Variants in EPHB1 observed in about 807,000 individuals in gnomAD.
EPHB1 encodes the protein EPH receptor B1.
In EPHB1, 30 loss-of-function variants were observed where a neutral mutation model predicts 94.4. That is an observed-to-expected ratio of 0.32 (90% confidence interval 0.24 to 0.43). EPHB1 has a LOEUF of 0.43. EPHB1 is among the 20% of genes least tolerant of loss of function. EPHB1 has a pLI of 1.00. For missense variants in EPHB1, 1,055 were observed against 1,308.3 expected (o/e 0.81, Z 2.99); for synonymous variants, 522 against 489.1 (o/e 1.07, Z -0.89).
intron 3 of EPHB1, among the ~76,000 whole-genome samples, chr3:135,092,860 C>A (rs533111414): frequency 5.3e-5 from 8 of 152,316 alleles, no homozygotes; most frequent in African/African-American, 1.9e-4. Context: ...CTCCTGGGCT[C>A]AAGTGATCTT....
At chr3:134,866,544 G>T (rs780856968) in intron 1 of EPHB1, among the ~76,000 whole-genome samples, 13 of 152,158 alleles carry the variant, frequency 8.5e-5, no homozygotes, top group Non-Finnish European at 1.9e-4. Context: ...TGAGTCATTG[G>T]CCACTGCTGG....
At chr3:135,085,826 G>A (rs572939669) in intron 3 of EPHB1, among the ~76,000 whole-genome samples, 3 of 152,276 alleles carry the variant, frequency 2.0e-5, no homozygotes, top group African/African-American at 7.2e-5. Context: ...CTTCCCCCAG[G>A]GAGTGCTGTG....
At chr3:134,813,928 G>A (rs186742983) in intron 1 of EPHB1, among the ~76,000 whole-genome samples, 71 of 152,348 alleles carry the variant, frequency 4.7e-4, no homozygotes, top group African/African-American at 1.6e-3. Flanking sequence ...AAGCAAAGAT[G>A]CAGCTGATGC....
intron 1 of EPHB1, among the ~76,000 whole-genome samples, chr3:134,879,099 C>T (rs2037676036): frequency 6.6e-6 from 1 of 152,166 alleles, no homozygotes; most frequent in African/African-American, 2.4e-5. Context: ...CTAGTGGTGC[C>T]TGACTCCCTT....
intron 3 of EPHB1, among the ~76,000 whole-genome samples, chr3:135,076,782 A>G (rs1937941981): frequency 6.6e-6 from 1 of 152,254 alleles, no homozygotes; most frequent in African/African-American, 2.4e-5. Flanking sequence ...TGAAATACTG[A>G]CACACATTAC....
At chr3:135,163,927 G>A (rs535438602) in intron 7 of EPHB1, among the ~76,000 whole-genome samples, 127 of 152,258 alleles carry the variant, frequency 8.3e-4, no homozygotes, top group Non-Finnish European at 1.4e-3. Flanking sequence ...AGGGTCATTG[G>A]GGCAGGGAGG....
chr3:134,889,827 G>C (rs568058333), intron 1 of EPHB1, among the ~76,000 whole-genome samples: 2 of 150,766 alleles, frequency 1.3e-5, no homozygotes, highest in Non-Finnish European at 2.9e-5. Flanking sequence ...ACCGGTGCCC[G>C]CCACCACACC....
chr3:134,918,441 T>G (rs1348163659), intron 1 of EPHB1, among the ~76,000 whole-genome samples: 1 of 152,182 alleles, frequency 6.6e-6, no homozygotes. Context: ...GAATGAGAAG[T>G]GATGAAAGAG....
intron 14 of EPHB1, 136 bp from the exon 15 acceptor site, chr3:135,249,200 T>C: frequency 9.7e-7 from 1 of 1,029,180 alleles, no homozygotes; most frequent in East Asian, 2.7e-5. Context: ...AGAAGAAAGG[T>C]TCAGCCCAGG....
At chr3:134,821,204 G>T (rs2036373861) in intron 1 of EPHB1, among the ~76,000 whole-genome samples, 1 of 152,172 alleles carries the variant, frequency 6.6e-6, no homozygotes, top group African/African-American at 2.4e-5. Context: ...CAACTGATTG[G>T]ATGTGGCCCA....
At chr3:134,891,043 A>G (rs2037969953) in intron 1 of EPHB1, among the ~76,000 whole-genome samples, 1 of 152,174 alleles carries the variant, frequency 6.6e-6, no homozygotes, top group African/African-American at 2.4e-5. Context: ...TCCTAGGCTA[A>G]TTGTTTGCCT....
At chr3:135,050,779 C>T (rs1053019938) in intron 3 of EPHB1, among the ~76,000 whole-genome samples, 29 of 152,120 alleles carry the variant, frequency 1.9e-4, no homozygotes, top group African/African-American at 2.2e-4. Context: ...CTTCCTCTCT[C>T]GCCATATGAC....
intron 3 of EPHB1, among the ~76,000 whole-genome samples, chr3:135,016,629 A>G (rs1370200093): frequency 6.6e-6 from 1 of 152,236 alleles, no homozygotes; most frequent in Non-Finnish European, 1.5e-5. Context: ...CACCCAGTGC[A>G]TCAGTCATAG....
chr3:135,012,647 G>A (rs1935660806), intron 3 of EPHB1, among the ~76,000 whole-genome samples: 2 of 152,174 alleles, frequency 1.3e-5, no homozygotes, highest in African/African-American at 4.8e-5. Flanking sequence ...TTTCTTTCTT[G>A]TTTCCCCAAT....
chr3:134,894,514 T>C (rs2038049270), intron 1 of EPHB1, among the ~76,000 whole-genome samples: 1 of 152,262 alleles, frequency 6.6e-6, no homozygotes, highest in African/African-American at 2.4e-5. Flanking sequence ...TCTGAAAGCC[T>C]GTGTTCTCTG....
chr3:135,155,118 G>A (rs186704630), intron 6 of EPHB1, among the ~76,000 whole-genome samples: 1 of 152,254 alleles, frequency 6.6e-6, no homozygotes. Context: ...CCAACAGAGG[G>A]AAACAGGCAA....
intron 1 of EPHB1, among the ~76,000 whole-genome samples, chr3:134,924,699 A>G (rs2038755189): frequency 6.6e-6 from 1 of 152,386 alleles, no homozygotes; most frequent in South Asian, 2.1e-4. Context: ...ACATCACACA[A>G]AAGAGTATTA....
chr3:134,941,875 TGACTTCCAATAAGCAA>T (rs1339422371), intron 2 of EPHB1, among the ~76,000 whole-genome samples: 1 of 151,946 alleles, frequency 6.6e-6, no homozygotes, highest in Non-Finnish European at 1.5e-5. Flanking sequence ...CTGCAAGCTC[TGACTTCCAATAAGCAA>T]GCCTAACAAA....
intron 3 of EPHB1, among the ~76,000 whole-genome samples, chr3:134,965,490 C>T (rs556706583): frequency 8.5e-5 from 13 of 152,240 alleles, no homozygotes; most frequent in African/African-American, 1.4e-4. Flanking sequence ...GCTTCAGCCC[C>T]GGAGTTCGAG....
Sources: allele counts gnomAD v4.1 joint callset (sites outside exome capture counted in the v4.1 genomes callset), GRCh38; gene constraint gnomAD v4.1.1; transcripts MANE v1.5; gene names NCBI Gene and HGNC (gene_info 2026-07-23, HGNC 2026-07-21).